ZNF676: variants seen among roughly 807,000 people sequenced by gnomAD.
The protein encoded by ZNF676 is zinc finger protein 676.
Under a neutral mutation model 6.0 loss-of-function variants are expected in ZNF676, and 4 were observed. That is an observed-to-expected ratio of 0.67 (90% confidence interval 0.33 to 1.53). ZNF676 has a LOEUF of 1.53. Among genes scored for constraint, ZNF676 ranks in the 40% most tolerant of loss-of-function variants. The probability of loss-of-function intolerance (pLI) is 0.06; values close to 1 mark genes in which losing one functional copy is unlikely to be tolerated. For missense variants in ZNF676, 644 were observed against 679.7 expected (o/e 0.95, Z 0.58); for synonymous variants, 198 against 223.1 (o/e 0.89, Z 1.00).
chr19:22,197,198 T>G (rs2144775565), upstream of ZNF676, among the ~76,000 whole-genome samples: 1 of 152,030 alleles, frequency 6.6e-6, no homozygotes, highest in East Asian at 1.9e-4. Context: ...GGCACATGGC[T>G]GTAATCCTAG....
upstream of ZNF676, chr19:22,196,995 A>T (rs904469741): frequency 2.9e-6 from 1 of 345,840 alleles, no homozygotes; most frequent in Non-Finnish European, 5.3e-6. Context: ...CAAAAACACT[A>T]ACATGTACAA....
intron 1 of ZNF676, among the ~76,000 whole-genome samples, chr19:22,194,369 T>G (rs2023945403): frequency 1.3e-5 from 2 of 152,170 alleles, no homozygotes; most frequent in Admixed American, 1.3e-4. Context: ...TCCTGTGAGA[T>G]CCACACAAAG....
At chr19:22,221,378 G>C in the ZNF676 span, among the ~76,000 whole-genome samples, 20 of 152,186 alleles carry the variant, frequency 1.3e-4, no homozygotes, top group African/African-American at 4.1e-4. Flanking sequence ...GTATGGTTTT[G>C]AGTGTTCCTA....
the ZNF676 span, among the ~76,000 whole-genome samples, chr19:22,224,547 A>G: frequency 2.6e-5 from 4 of 152,168 alleles, no homozygotes; most frequent in Non-Finnish European, 4.4e-5. Flanking sequence ...GTGTTTAATA[A>G]TGAATATATA....
At chr19:22,230,504 A>G in the ZNF676 span, among the ~76,000 whole-genome samples, 1 of 128,404 alleles carries the variant, frequency 7.8e-6, no homozygotes, top group African/African-American at 3.0e-5. Context: ...TAATAATAAA[A>G]AAGGAAAAAA....
rs1490133778 is a variant in ZNF676 at position 22,180,308 on chromosome 19, A to T, written c.1409T>A (p.Ile470Asn). 6.2e-7 allele frequency: 1 copy of T among 1,612,610 alleles called. No individual in the cohort carries two copies. Among genetic ancestry groups the T allele is most frequent in the East Asian group, 2.2e-5 (1 of 44,838 alleles). ...WSSSFTKHKR[I>N]HAAEKPYKCE... The stretch of plus-strand genomic sequence containing the variant: ...TTTGTAAGGTTTCTCTGCAGCATGA[A>T]TTCTCTTGTGTTTAGTAAAGCTTGA... The change falls in exon 3 of 3, where the codon ATT becomes AAT. Residue 470 changes from isoleucine to asparagine, a missense_variant. Coordinates refer to ENST00000397121, the MANE Select transcript of ZNF676 (RefSeq NM_001001411.3).
intron 1 of ZNF676, among the ~76,000 whole-genome samples, chr19:22,210,009 T>G (rs1230285201): frequency 6.6e-6 from 1 of 152,178 alleles, no homozygotes; most frequent in Non-Finnish European, 1.5e-5. Flanking sequence ...AATCCTCTGC[T>G]GGCAGCTGTG....
At position 22,179,664 on chromosome 19, in the gene ZNF676, G is replaced by C. The variant is rs529801714; in HGVS notation, c.*286C>G. The C allele has an allele frequency of 3.2e-6, 2 of 631,456 alleles. No individual in the cohort carries two copies. Among genetic ancestry groups the C allele is most frequent in the African/African-American group, 1.8e-5 (1 of 54,758 alleles). The allele number at this position is 631,456 out of a possible 1,614,324, so 39.1% of individuals were successfully genotyped here. On this transcript the variant is annotated 3_prime_UTR_variant, in exon 3 of 3. Transcript: ENST00000397121. ...TTCTTTTATGAGTAGTAAGGTGTGA[G>C]GAACAGTTGAAGTCTTTATCACATT...
intron 2 of ZNF676, among the ~76,000 whole-genome samples, chr19:22,187,207 T>C (rs567902597): frequency 2.0e-5 from 3 of 152,162 alleles, no homozygotes; most frequent in Non-Finnish European, 2.9e-5. Flanking sequence ...GAACTCAGGA[T>C]TGAGAAACTC....
At chr19:22,229,805 T>C in the ZNF676 span, among the ~76,000 whole-genome samples, 12 of 152,150 alleles carry the variant, frequency 7.9e-5, no homozygotes, top group Admixed American at 7.9e-4. Flanking sequence ...TGAGATACCA[T>C]CTCACAACAG....
At chr19:22,237,110 G>C in the ZNF676 span, among the ~76,000 whole-genome samples, 1 of 152,184 alleles carries the variant, frequency 6.6e-6, no homozygotes, top group Admixed American at 6.5e-5. Context: ...GACTTTCCAT[G>C]CTGGAATTAG....
At chr19:22,215,512 C>A (rs2024175348) in intron 1 of ZNF676, 1 of 1,206,920 alleles carries the variant, frequency 8.3e-7, no homozygotes. Context: ...TGAGGTCGAG[C>A]TAGGCAAGGA....
chr19:22,207,534 G>T (rs2024087577), intron 1 of ZNF676, among the ~76,000 whole-genome samples: 1 of 152,108 alleles, frequency 6.6e-6, no homozygotes, highest in Non-Finnish European at 1.5e-5. Context: ...TAAATCTACA[G>T]ATGTAATGCT....
chr19:22,215,280 G>A (rs1400066269), intron 1 of ZNF676, among the ~76,000 whole-genome samples: 1 of 152,050 alleles, frequency 6.6e-6, no homozygotes, highest in Non-Finnish European at 1.5e-5. Context: ...CAGGAACTGG[G>A]AGCCTCACGG....
chr19:22,235,818 G>C, the ZNF676 span, among the ~76,000 whole-genome samples: 1 of 152,174 alleles, frequency 6.6e-6, no homozygotes, highest in East Asian at 1.9e-4. Flanking sequence ...TGCTGGCCTT[G>C]CCAGCTGAAA....
At position 22,181,492 on chromosome 19, in the gene ZNF676, T is replaced by C; in HGVS notation, c.225A>G (p.Gly75=). The C allele has an allele frequency of 1.2e-6, 2 of 1,613,538 alleles. No homozygotes were observed. Among genetic ancestry groups the C allele is most frequent in the South Asian group, 2.2e-5 (2 of 91,030 alleles). ...TAATTTTTAAGTGTAAATTCTCATG[T>C]CCACATTTGTCATATCTTCTCAATA... ...KMILRRYDKC[G]HENLHLKISC... The change falls in exon 3 of 3, where the codon GGA becomes GGG. Residue 75 remains glycine (G), a synonymous_variant. Coordinates refer to ENST00000397121, the MANE Select transcript of ZNF676 (RefSeq NM_001001411.3).
the ZNF676 span, among the ~76,000 whole-genome samples, chr19:22,247,505 G>A: frequency 4.0e-5 from 6 of 151,252 alleles, no homozygotes; most frequent in East Asian, 5.9e-4. Context: ...CAGAGGTAGC[G>A]GTAAGCCAAG....
the ZNF676 span, among the ~76,000 whole-genome samples, chr19:22,232,084 G>T: frequency 6.6e-6 from 1 of 152,044 alleles, no homozygotes; most frequent in Non-Finnish European, 1.5e-5. Context: ...CTCACATTAG[G>T]CTTGCAAAAT....
the ZNF676 span, among the ~76,000 whole-genome samples, chr19:22,231,286 A>G: frequency 2.0e-5 from 3 of 152,126 alleles, no homozygotes; most frequent in Admixed American, 1.3e-4. Context: ...AAAACGACAC[A>G]AAGGAAGACA....
Sources: gnomAD v4.1 joint callset for allele counts (sites outside exome capture counted in the v4.1 genomes callset) on GRCh38, gnomAD v4.1.1 for gene constraint, MANE v1.5 for transcripts, NCBI Gene and HGNC (gene_info 2026-07-23, HGNC 2026-07-21) for gene names.